The following LRP1B variants were observed in gnomAD, a reference collection of about 807,000 sequenced individuals.
LRP1B encodes LDL receptor related protein 1B, also known as low-density lipoprotein receptor-related protein 1B.
In LRP1B, 217 loss-of-function variants were observed where a neutral mutation model predicts 556.6. That is an observed-to-expected ratio of 0.39 (90% CI 0.35 to 0.44). LRP1B has a LOEUF of 0.44. LRP1B is among the 20% of genes least tolerant of loss of function. The pLI, the probability that LRP1B is intolerant of heterozygous loss-of-function variation, is 1.00. For synonymous variants in LRP1B, 2,047 were observed against 1,865.8 expected (o/e 1.10, Z -2.50); for missense variants, 5,053 against 5,620.8 (o/e 0.90, Z 3.23).
At chr2:140,525,192 T>C (rs1690377414) in intron 49 of LRP1B, among the ~76,000 whole-genome samples, 2 of 151,800 alleles carry the variant, frequency 1.3e-5, no homozygotes, top group South Asian at 4.1e-4. Flanking sequence ...TTTAATAGTG[T>C]CCTATATAGA....
intron 66 of LRP1B, among the ~76,000 whole-genome samples, chr2:140,413,757 G>C (rs1264906175): frequency 6.6e-6 from 1 of 152,202 alleles, no homozygotes; most frequent in East Asian, 1.9e-4. Flanking sequence ...GGAGATGTTG[G>C]CACATAATTA....
At chr2:141,254,750 G>T in intron 3 of LRP1B, 109 bp from the exon 4 acceptor site, 2 of 789,322 alleles carry the variant, frequency 2.5e-6, no homozygotes, top group South Asian at 2.3e-5. Flanking sequence ...CTCCCAGAAA[G>T]TTTATATGAT....
intron 2 of LRP1B, among the ~76,000 whole-genome samples, chr2:141,480,813 G>T (rs4271710): frequency 0.39 from 59,671 of 151,882 alleles, 12,277 homozygotes; most frequent in East Asian, 0.64. Flanking sequence ...AAAATCTGAG[G>T]GTTGATTGAG....
At chr2:141,056,028 T>C (rs1198981636) in intron 9 of LRP1B, among the ~76,000 whole-genome samples, 1 of 151,878 alleles carries the variant, frequency 6.6e-6, no homozygotes, top group Non-Finnish European at 1.5e-5. Context: ...ATTATTGTAA[T>C]TATGTTTCTT....
rs567130442 is a variant in LRP1B at position 141,986,434 on chromosome 2, T to C, written c.82+144214A>G. Reference sequence around the variant, plus strand: ...TTCTAAGGTATGGGTTTCAAGAGTTTCTGAGTATCAGAGACAAGAACAGTT... The same window carrying C: ...TTCTAAGGTATGGGTTTCAAGAGTTCCTGAGTATCAGAGACAAGAACAGTT... On this transcript the variant is annotated intron_variant, in intron 1 of 90. Coordinates refer to ENST00000389484, the MANE Select transcript of LRP1B (RefSeq NM_018557.3). Among the ~76,000 whole-genome samples, 12 of 152,076 alleles carry C rather than the reference T, an allele frequency of 7.9e-5. No homozygotes were observed. In the South Asian group the frequency reaches 2.5e-3, roughly 31 times the overall value.
intron 1 of LRP1B, among the ~76,000 whole-genome samples, chr2:142,048,964 C>T (rs1191598194): frequency 6.6e-6 from 1 of 151,932 alleles, no homozygotes; most frequent in Non-Finnish European, 1.5e-5. Context: ...TGTAGAAATA[C>T]TTTAGGATGG....
intron 3 of LRP1B, among the ~76,000 whole-genome samples, chr2:141,339,592 G>A (rs1202478772): frequency 6.6e-6 from 1 of 152,088 alleles, no homozygotes; most frequent in African/African-American, 2.4e-5. Context: ...CATAAGCAGA[G>A]AGCAAAAGGA....
At chr2:141,544,358 CT>C (rs1406295621) in intron 2 of LRP1B, among the ~76,000 whole-genome samples, 1 of 96,648 alleles carries the variant, frequency 1.0e-5, no homozygotes, top group African/African-American at 3.9e-5. Context: ...TCTTCTTCTT[CT>C]TCTTCTTCTT....
At chr2:140,589,878 A>G (rs1356981164) in intron 43 of LRP1B, among the ~76,000 whole-genome samples, 1 of 152,158 alleles carries the variant, frequency 6.6e-6, no homozygotes, top group East Asian at 1.9e-4. Flanking sequence ...GTGCACAGCT[A>G]TGCAAAAAAG....
intron 41 of LRP1B, among the ~76,000 whole-genome samples, chr2:140,673,873 CTT>C (rs1484265893): frequency 1.3e-5 from 2 of 152,120 alleles, no homozygotes; most frequent in East Asian, 1.9e-4. Flanking sequence ...AGAACAGACT[CTT>C]TGTAGCAATA....
chr2:141,251,589 G>A (rs1006597886), intron 4 of LRP1B, among the ~76,000 whole-genome samples: 1 of 152,132 alleles, frequency 6.6e-6, no homozygotes, highest in Non-Finnish European at 1.5e-5. Context: ...ATATAAGAAA[G>A]AGGTAGAAAT....
chr2:141,829,057 C>T (rs536922519), intron 1 of LRP1B, among the ~76,000 whole-genome samples: 109 of 151,666 alleles, frequency 7.2e-4, no homozygotes, highest in Non-Finnish European at 1.4e-3. Flanking sequence ...TATAAAGGAC[C>T]TAATATTACT....
intron 2 of LRP1B, among the ~76,000 whole-genome samples, chr2:141,647,887 G>A (rs1574191355): frequency 1.3e-5 from 2 of 151,666 alleles, no homozygotes; most frequent in East Asian, 3.9e-4. Flanking sequence ...GCCAAGAAAA[G>A]CCCAGGGAAT....
intron 35 of LRP1B, among the ~76,000 whole-genome samples, chr2:140,750,766 C>T (rs1559096193): frequency 6.6e-6 from 1 of 152,106 alleles, no homozygotes; most frequent in Non-Finnish European, 1.5e-5. Context: ...AAACATGACA[C>T]AAACATGACA....
intron 13 of LRP1B, 87 bp from the exon 14 acceptor site, chr2:141,013,832 A>G (rs1697824948): frequency 1.5e-6 from 1 of 666,586 alleles, no homozygotes; most frequent in Admixed American, 3.3e-5. Flanking sequence ...TTCAATAAGT[A>G]TAACAGATAA....
At chr2:141,673,525 CAA>C (rs1690755250) in intron 2 of LRP1B, among the ~76,000 whole-genome samples, 1 of 152,116 alleles carries the variant, frequency 6.6e-6, no homozygotes, top group Non-Finnish European at 1.5e-5. Flanking sequence ...TTCAATACAT[CAA>C]GTTTCTCTTA....
chr2:140,301,053 A>ATTTGAATT (rs999099959), intron 83 of LRP1B, among the ~76,000 whole-genome samples: 2 of 152,146 alleles, frequency 1.3e-5, no homozygotes, highest in Admixed American at 6.6e-5. Context: ...ATAAAATTAA[A>ATTTGAATT]TTTGAATTTA....
intron 21 of LRP1B, among the ~76,000 whole-genome samples, chr2:140,915,831 A>G (rs1694559058): frequency 6.6e-6 from 1 of 152,062 alleles, no homozygotes; most frequent in African/African-American, 2.4e-5. Context: ...GATCGAGACC[A>G]TCCTGGGGAA....
intron 35 of LRP1B, among the ~76,000 whole-genome samples, chr2:140,746,501 C>A (rs1197265160): frequency 6.6e-6 from 1 of 151,870 alleles, no homozygotes; most frequent in African/African-American, 2.4e-5. Flanking sequence ...TCATGAAAAC[C>A]AATTTAGTTT....
Sources: gnomAD v4.1 joint callset for allele counts (sites outside exome capture counted in the v4.1 genomes callset) on GRCh38, gnomAD v4.1.1 for gene constraint, MANE v1.5 for transcripts, NCBI Gene and HGNC (gene_info 2026-07-23, HGNC 2026-07-21) for gene names.